The following PLCE1 variants were observed in gnomAD, a reference collection of about 807,000 sequenced individuals.
The protein encoded by PLCE1 is 1-phosphatidylinositol 4,5-bisphosphate phosphodiesterase epsilon-1.
PLCE1 carries 119 observed loss-of-function variants against 242.8 expected under a neutral mutation model. The ratio of observed to expected loss-of-function variants is 0.49; its 90% CI spans 0.42 to 0.57. The LOEUF (loss-of-function observed/expected upper bound fraction) is 0.57. Ranked by LOEUF, PLCE1 falls within the 20% of genes least tolerant of loss-of-function variation. The pLI, the probability that PLCE1 is intolerant of heterozygous loss-of-function variation, is 0.00. For synonymous variants in PLCE1, 945 were observed against 1,017.4 expected (o/e 0.93, Z 1.35); for missense variants, 2,441 against 2,788.8 (o/e 0.88, Z 2.81).
At chr10:94,280,282 GGCAGCA>G (rs2052155966) in intron 20 of PLCE1, 1 of 328,100 alleles carries the variant, frequency 3.0e-6, no homozygotes, top group Non-Finnish European at 5.8e-6. Flanking sequence ...ACCGGCAGGG[GGCAGCA>G]TCACGGCTCT....
chr10:94,230,041 A>AT (rs11434775), intron 5 of PLCE1, among the ~76,000 whole-genome samples: 36,881 of 151,888 alleles, frequency 0.24, 4,906 homozygotes, highest in Middle Eastern at 0.35. Flanking sequence ...CATAATAGAG[A>AT]TTTTTTTTAT....
At chr10:94,162,062 AT>A (rs1302787849) in intron 3 of PLCE1, among the ~76,000 whole-genome samples, 3 of 152,142 alleles carry the variant, frequency 2.0e-5, no homozygotes, top group East Asian at 3.8e-4. Context: ...GTTTGCCAGT[AT>A]TTTATTGAGG....
chr10:94,214,188 C>T (rs1007998429), intron 4 of PLCE1, among the ~76,000 whole-genome samples: 19 of 152,166 alleles, frequency 1.2e-4, no homozygotes, highest in Non-Finnish European at 1.8e-4. Flanking sequence ...CAGCCAACTC[C>T]ATGTTGGTGC....
intron 1 of PLCE1, among the ~76,000 whole-genome samples, chr10:94,015,510 G>A (rs1190627383): frequency 6.6e-6 from 1 of 152,180 alleles, no homozygotes; most frequent in Non-Finnish European, 1.5e-5. Flanking sequence ...AGGGATTGGT[G>A]CCTGAACCAG....
chr10:94,028,832 T>G (rs985957134), intron 1 of PLCE1, among the ~76,000 whole-genome samples: 5 of 152,036 alleles, frequency 3.3e-5, no homozygotes, highest in African/African-American at 1.2e-4. Flanking sequence ...TCTCAGCTAC[T>G]TGGGAGGCTG....
intron 2 of PLCE1, among the ~76,000 whole-genome samples, chr10:94,093,309 T>C (rs1253161704): frequency 6.6e-6 from 1 of 152,362 alleles, no homozygotes; most frequent in African/African-American, 2.4e-5. Context: ...TCCCAAACCA[T>C]GTCATGTCAC....
At chr10:94,155,273 C>A (rs1300953284) in intron 3 of PLCE1, among the ~76,000 whole-genome samples, 4 of 152,084 alleles carry the variant, frequency 2.6e-5, no homozygotes, top group Non-Finnish European at 5.9e-5. Context: ...GTGGTATATA[C>A]ATACAATGGA....
chr10:94,313,492 A>T, intron 28 of PLCE1, 110 bp downstream of exon 28: 1 of 1,240,962 alleles, frequency 8.1e-7, no homozygotes, highest in Admixed American at 1.7e-5. Flanking sequence ...TGAATGCGCA[A>T]AAGTCCATGT....
intron 3 of PLCE1, among the ~76,000 whole-genome samples, chr10:94,156,632 T>C (rs1276739293): frequency 6.6e-6 from 1 of 152,204 alleles, no homozygotes; most frequent in African/African-American, 2.4e-5. Context: ...GGAATTTTTA[T>C]TGAGGCTTCA....
intron 4 of PLCE1, among the ~76,000 whole-genome samples, chr10:94,219,459 C>T (rs2049646140): frequency 6.6e-6 from 1 of 152,124 alleles, no homozygotes; most frequent in Non-Finnish European, 1.5e-5. Context: ...CTCAACAGCT[C>T]CAGGCTCATA....
At chr10:94,294,638 C>T (rs1005001593) in intron 23 of PLCE1, among the ~76,000 whole-genome samples, 1 of 152,162 alleles carries the variant, frequency 6.6e-6, no homozygotes, top group Non-Finnish European at 1.5e-5. Context: ...AAAAAATGTA[C>T]ATACCTTCAA....
chr10:94,167,231 G>T (rs1347737039), intron 3 of PLCE1, among the ~76,000 whole-genome samples: 1 of 151,792 alleles, frequency 6.6e-6, no homozygotes, highest in African/African-American at 2.4e-5. Context: ...GCGGCGGTTC[G>T]TGCCACTGCA....
chr10:94,020,788 G>A lies in PLCE1; in HGVS notation c.-364-9895G>A, dbSNP rs184959923. Among the ~76,000 whole-genome samples, 169 of 151,970 alleles carry A rather than the reference G, an allele frequency of 1.1e-3. 2 individuals are homozygous for A. Among genetic ancestry groups the A allele is most frequent in the African/African-American group, 3.9e-3 (163 of 41,466 alleles). On this transcript the variant is annotated intron_variant, in intron 1 of 32. Coordinates refer to ENST00000371380, the MANE Select transcript of PLCE1 (RefSeq NM_016341.4). ...TTCTGCCCATTTCTTAAAAACTTGGGTTGTTTGCTTATTATTGAGCAGTAA... is the reference window on the plus strand; with the variant it reads ...TTCTGCCCATTTCTTAAAAACTTGGATTGTTTGCTTATTATTGAGCAGTAA...
intron 22 of PLCE1, among the ~76,000 whole-genome samples, chr10:94,291,994 T>C (rs1358864942): frequency 6.6e-6 from 1 of 152,152 alleles, no homozygotes; most frequent in Non-Finnish European, 1.5e-5. Flanking sequence ...GATATTGACA[T>C]GTGGCAGGAT....
At chr10:94,183,370 G>C (rs2048370514) in intron 4 of PLCE1, among the ~76,000 whole-genome samples, 1 of 151,776 alleles carries the variant, frequency 6.6e-6, no homozygotes, top group Non-Finnish European at 1.5e-5. Flanking sequence ...GAACAACACA[G>C]ACAAAGCTCC....
intron 2 of PLCE1, among the ~76,000 whole-genome samples, chr10:94,053,449 T>C (rs1038295965): frequency 2.4e-4 from 37 of 152,270 alleles, no homozygotes; most frequent in African/African-American, 8.7e-4. Flanking sequence ...ACAGTCTTTA[T>C]TTGTTAGCAC....
rs147004210 is a variant in PLCE1, at chr10:94,003,701, G to A, written c.-365+9443G>A. ...CAGCTTCAGATGTGGTAAGGAGCTA[G>A]GGACACTGTTTATGTGGGCGAGTAT... On this transcript the variant is annotated intron_variant, in intron 1 of 32. Transcript: ENST00000371380. Among the ~76,000 whole-genome samples, 201 of 152,320 alleles carry A rather than the reference G, an allele frequency of 1.3e-3. 1 individual carries two copies. Among genetic ancestry groups the A allele is most frequent in the African/African-American group, 4.1e-3 (172 of 41,560 alleles).
chr10:94,153,111 A>C (rs1033321885), intron 3 of PLCE1, among the ~76,000 whole-genome samples: 4 of 152,176 alleles, frequency 2.6e-5, no homozygotes, highest in African/African-American at 9.6e-5. Context: ...GTCACATTGC[A>C]GTTTACCATC....
intron 4 of PLCE1, among the ~76,000 whole-genome samples, chr10:94,176,773 C>A (rs960751061): frequency 6.6e-6 from 1 of 152,062 alleles, no homozygotes; most frequent in Non-Finnish European, 1.5e-5. Context: ...TAGCAGTCTG[C>A]CAGAAGCTAT....
Sources: gnomAD v4.1 joint callset for allele counts (sites outside exome capture counted in the v4.1 genomes callset) on GRCh38, gnomAD v4.1.1 for gene constraint, MANE v1.5 for transcripts, NCBI Gene and HGNC (gene_info 2026-07-23, HGNC 2026-07-21) for gene names.